The following TOP6BL variants were observed in gnomAD, a reference collection of about 807,000 sequenced individuals.
The protein encoded by TOP6BL is type 2 DNA topoisomerase 6 subunit B-like.
At chr11:66,821,332 G>C in the TOP6BL span, among the ~76,000 whole-genome samples, 1 of 149,348 alleles carries the variant, frequency 6.7e-6, no homozygotes, top group African/African-American at 2.5e-5. Context: ...CTGTCACCCA[G>C]GCTGGAGCGC....
At chr11:66,802,773 A>G in the TOP6BL span, among the ~76,000 whole-genome samples, 1 of 152,202 alleles carries the variant, frequency 6.6e-6, no homozygotes, top group South Asian at 2.1e-4. Flanking sequence ...TATGCAGGTA[A>G]TAATTTCCCC....
chr11:66,745,498 C>G, the TOP6BL span, among the ~76,000 whole-genome samples: 16 of 152,212 alleles, frequency 1.1e-4, no homozygotes. Flanking sequence ...CGGCACTGAG[C>G]GCCTGGCGCC....
chr11:66,776,378 T>A, the TOP6BL span, among the ~76,000 whole-genome samples: 3 of 152,142 alleles, frequency 2.0e-5, no homozygotes, highest in Non-Finnish European at 4.4e-5. Flanking sequence ...CTTCTTTTCC[T>A]TGTCATATTG....
the TOP6BL span, among the ~76,000 whole-genome samples, chr11:66,802,762 A>G: frequency 6.6e-6 from 1 of 152,170 alleles, no homozygotes; most frequent in African/African-American, 2.4e-5. Context: ...TTGTCATTTA[A>G]TATGCAGGTA....
chr11:66,789,657 T>C, the TOP6BL span, among the ~76,000 whole-genome samples: 40 of 152,366 alleles, frequency 2.6e-4, 1 homozygote, highest in African/African-American at 9.4e-4. Context: ...AATGAGGTTC[T>C]GTGTTTCAGT....
chr11:66,792,079 G>A, the TOP6BL span, among the ~76,000 whole-genome samples: 1 of 152,070 alleles, frequency 6.6e-6, no homozygotes, highest in African/African-American at 2.4e-5. Context: ...TAAAGTGCTG[G>A]GATTACAGGC....
At chr11:66,838,742 T>A in the TOP6BL span, among the ~76,000 whole-genome samples, 1 of 152,112 alleles carries the variant, frequency 6.6e-6, no homozygotes. Context: ...TTTATTTTTA[T>A]TTTTTTGAGA....
chr11:66,760,185 C>A, the TOP6BL span, among the ~76,000 whole-genome samples: 1 of 152,136 alleles, frequency 6.6e-6, no homozygotes, highest in Non-Finnish European at 1.5e-5. Context: ...CCCAGTGGCT[C>A]ATGCCTGTAA....
At chr11:66,810,867 T>C in the TOP6BL span, among the ~76,000 whole-genome samples, 2 of 148,440 alleles carry the variant, frequency 1.3e-5, no homozygotes, top group African/African-American at 5.1e-5. Flanking sequence ...AAAAAATCTT[T>C]AAAAAACAAG....
At chr11:66,766,752 C>A in the TOP6BL span, among the ~76,000 whole-genome samples, 1 of 152,162 alleles carries the variant, frequency 6.6e-6, no homozygotes, top group Admixed American at 6.6e-5. Flanking sequence ...TATTTTTCCC[C>A]CTCTTGATCA....
At chr11:66,763,034 C>T in the TOP6BL span, among the ~76,000 whole-genome samples, 1,176 of 152,206 alleles carry the variant, frequency 7.7e-3, 15 homozygotes, top group African/African-American at 0.027. Flanking sequence ...TTGAGACCCC[C>T]ATCTCTACAA....
At chr11:66,756,410 G>T in the TOP6BL span, 1 of 1,124,380 alleles carries the variant, frequency 8.9e-7, no homozygotes, top group Non-Finnish European at 1.1e-6. Context: ...TCGGCTCACT[G>T]CAACCTCCAC....
chr11:66,766,075 C>T, the TOP6BL span, among the ~76,000 whole-genome samples: 2 of 152,176 alleles, frequency 1.3e-5, no homozygotes, highest in Non-Finnish European at 1.5e-5. Flanking sequence ...CATCAGTTTT[C>T]TAGATGCTAA....
the TOP6BL span, among the ~76,000 whole-genome samples, chr11:66,811,975 T>C: frequency 6.6e-6 from 1 of 151,912 alleles, no homozygotes; most frequent in Admixed American, 6.6e-5. Flanking sequence ...AGAAAACACT[T>C]TTTAAAATGT....
the TOP6BL span, among the ~76,000 whole-genome samples, chr11:66,755,845 G>A: frequency 6.6e-6 from 1 of 152,078 alleles, no homozygotes; most frequent in East Asian, 1.9e-4. Context: ...CCTTCACATG[G>A]CATTCTCCTC....
At chr11:66,780,369 A>G in the TOP6BL span, among the ~76,000 whole-genome samples, 1 of 152,128 alleles carries the variant, frequency 6.6e-6, no homozygotes, top group South Asian at 2.1e-4. Context: ...TTCTTCCTTT[A>G]TAGCTGGGTT....
chr11:66,813,881 C>G, the TOP6BL span: 1 of 1,613,750 alleles, frequency 6.2e-7, no homozygotes, highest in East Asian at 2.2e-5. Flanking sequence ...CTATATGGAC[C>G]TTTGGGTCTG....
the TOP6BL span, among the ~76,000 whole-genome samples, chr11:66,836,324 C>A: frequency 6.6e-6 from 1 of 151,968 alleles, no homozygotes; most frequent in East Asian, 2.0e-4. Flanking sequence ...TCACACCATT[C>A]TCCTGCCTCA....
At chr11:66,843,345 C>T in the TOP6BL span, 20 of 1,469,096 alleles carry the variant, frequency 1.4e-5, no homozygotes, top group Admixed American at 3.9e-4. Flanking sequence ...GCGTCTGCTT[C>T]CGCGTCGGGC....
Sources: gnomAD v4.1 joint callset for allele counts (sites outside exome capture counted in the v4.1 genomes callset) on GRCh38, gnomAD v4.1.1 for gene constraint, MANE v1.5 for transcripts, NCBI Gene and HGNC (gene_info 2026-07-23, HGNC 2026-07-21) for gene names.